Variants in KCND2 observed in about 807,000 individuals in gnomAD.
KCND2 encodes the protein potassium voltage-gated channel subfamily D member 2.
Under a neutral mutation model 54.4 loss-of-function variants are expected in KCND2, and 16 were observed. That is an observed-to-expected ratio of 0.29 (90% confidence interval 0.20 to 0.45). The LOEUF is 0.45. Among genes scored for constraint, KCND2 ranks in the 20% least tolerant of loss-of-function variants. The pLI, the probability that KCND2 is intolerant of heterozygous loss-of-function variation, is 1.00. For missense variants in KCND2, 486 were observed against 824.2 expected (o/e 0.59, Z 5.02); for synonymous variants, 317 against 310.7 (o/e 1.02, Z -0.21).
intron 1 of KCND2, among the ~76,000 whole-genome samples, chr7:120,434,420 C>G (rs1329450582): frequency 1.3e-5 from 2 of 152,186 alleles, no homozygotes; most frequent in Non-Finnish European, 2.9e-5. Flanking sequence ...GTACAGTTTT[C>G]TTAGATACCT....
At chr7:120,332,674 C>T (rs1800085164) in intron 1 of KCND2, among the ~76,000 whole-genome samples, 1 of 151,976 alleles carries the variant, frequency 6.6e-6, no homozygotes, top group Admixed American at 6.6e-5. Flanking sequence ...TGGACAGAAA[C>T]CTGCTCTAGA....
rs116942467 is a variant in KCND2, at chr7:120,676,237, A to G, written c.1116-56666A>G. On this transcript the variant is annotated intron_variant, in intron 1 of 5. Coordinates refer to ENST00000331113, the MANE Select transcript of KCND2 (RefSeq NM_012281.3). ...TTAGCCAGCTTCTTATCTCTTGTCA[A>G]TGTTGAAATAATTTTATTTAACTTT... 1.0e-2 allele frequency among the ~76,000 whole-genome samples: 1,519 copies of G among 152,302 alleles called. 9 individuals are homozygous for G. Among genetic ancestry groups the G allele is most frequent in the Non-Finnish European group, 0.015 (1,037 of 68,022 alleles).
chr7:120,361,397 CTCTT>C (rs879590301), intron 1 of KCND2, among the ~76,000 whole-genome samples: 1 of 151,394 alleles, frequency 6.6e-6, no homozygotes, highest in Non-Finnish European at 1.5e-5. Context: ...CTCTCTCTCT[CTCTT>C]TTTTTTTTTT....
intron 1 of KCND2, among the ~76,000 whole-genome samples, chr7:120,728,650 G>C (rs1792766897): frequency 6.6e-6 from 1 of 151,858 alleles, no homozygotes; most frequent in South Asian, 2.1e-4. Context: ...GCTTCTTGTA[G>C]TCTTTTAATC....
chr7:120,662,894 T>G (rs1283931878), intron 1 of KCND2, among the ~76,000 whole-genome samples: 1 of 152,224 alleles, frequency 6.6e-6, no homozygotes, highest in African/African-American at 2.4e-5. Flanking sequence ...ATTGGTTGAT[T>G]CATCTGAATG....
At chr7:120,671,189 G>A (rs60903923) in intron 1 of KCND2, among the ~76,000 whole-genome samples, 57,913 of 151,744 alleles carry the variant, frequency 0.38, 13,245 homozygotes, top group African/African-American at 0.62. Context: ...GGGGTCCCCA[G>A]CCTTTTTGTC....
At chr7:120,547,127 A>G (rs1792050989) in intron 1 of KCND2, among the ~76,000 whole-genome samples, 2 of 152,022 alleles carry the variant, frequency 1.3e-5, no homozygotes, top group South Asian at 4.1e-4. Flanking sequence ...GTAGAATTAT[A>G]AGAAATCTAC....
At chr7:120,365,103 T>C (rs1353036348) in intron 1 of KCND2, among the ~76,000 whole-genome samples, 2 of 151,438 alleles carry the variant, frequency 1.3e-5, no homozygotes, top group Non-Finnish European at 2.9e-5. Context: ...AAGTTCATAG[T>C]TGTTATTTAT....
chr7:120,362,797 G>C (rs985812808), intron 1 of KCND2, among the ~76,000 whole-genome samples: 1 of 152,026 alleles, frequency 6.6e-6, no homozygotes, highest in Non-Finnish European at 1.5e-5. Flanking sequence ...GTTCAACAAT[G>C]AAATATATTT....
intron 1 of KCND2, among the ~76,000 whole-genome samples, chr7:120,457,081 C>G (rs1802210602): frequency 6.6e-6 from 1 of 152,202 alleles, no homozygotes; most frequent in South Asian, 2.1e-4. Context: ...CCCTTTTGGT[C>G]ATGGCTGGAG....
intron 1 of KCND2, among the ~76,000 whole-genome samples, chr7:120,283,691 G>A (rs1408477766): frequency 6.6e-6 from 1 of 152,136 alleles, no homozygotes; most frequent in African/African-American, 2.4e-5. Context: ...TATTTCTTTT[G>A]AATATAGATT....
chr7:120,522,684 TAA>T (rs1204407516), intron 1 of KCND2, among the ~76,000 whole-genome samples: 5 of 152,102 alleles, frequency 3.3e-5, no homozygotes, highest in Non-Finnish European at 7.4e-5. Flanking sequence ...AAAGTGTAAA[TAA>T]AAGTCACGAA....
At chr7:120,561,816 TAGTC>T (rs1377731951) in intron 1 of KCND2, among the ~76,000 whole-genome samples, 1 of 152,134 alleles carries the variant, frequency 6.6e-6, no homozygotes, top group East Asian at 1.9e-4. Context: ...TTCACCATGT[TAGTC>T]AGGCTGGCCG....
chr7:120,440,411 G>A (rs1208587309), intron 1 of KCND2, among the ~76,000 whole-genome samples: 1 of 152,070 alleles, frequency 6.6e-6, no homozygotes, highest in Non-Finnish European at 1.5e-5. Flanking sequence ...TGCATAGGTT[G>A]CAAATATTTT....
chr7:120,462,527 C>A (rs747313399), intron 1 of KCND2, among the ~76,000 whole-genome samples: 9 of 151,798 alleles, frequency 5.9e-5, no homozygotes, highest in Non-Finnish European at 8.8e-5. Context: ...AGGAATATTA[C>A]CATTTCTGAT....
chr7:120,476,736 C>G (rs1458001740), intron 1 of KCND2, among the ~76,000 whole-genome samples: 1 of 152,174 alleles, frequency 6.6e-6, no homozygotes, highest in Non-Finnish European at 1.5e-5. Flanking sequence ...ATTATACTCT[C>G]TCTCTTTCCA....
chr7:120,730,393 AG>A (rs1792790333), intron 1 of KCND2, among the ~76,000 whole-genome samples: 1 of 152,218 alleles, frequency 6.6e-6, no homozygotes, highest in Non-Finnish European at 1.5e-5. Context: ...TTGTATAAAA[AG>A]GAGTTGACCT....
intron 1 of KCND2, among the ~76,000 whole-genome samples, chr7:120,657,722 C>T (rs1187024070): frequency 6.6e-6 from 1 of 152,052 alleles, no homozygotes; most frequent in African/African-American, 2.4e-5. Context: ...GGGCAGTGCC[C>T]CTGTAATCCT....
intron 1 of KCND2, among the ~76,000 whole-genome samples, chr7:120,538,033 T>C (rs1333713181): frequency 6.6e-6 from 1 of 152,244 alleles, no homozygotes; most frequent in Non-Finnish European, 1.5e-5. Context: ...GGTTTTGGCC[T>C]ATTTCAGCTT....
Sources: allele counts gnomAD v4.1 joint callset (sites outside exome capture counted in the v4.1 genomes callset), GRCh38; gene constraint gnomAD v4.1.1; transcripts MANE v1.5; gene names NCBI Gene and HGNC (gene_info 2026-07-23, HGNC 2026-07-21).